PDE1C: variants seen among roughly 807,000 people sequenced by gnomAD.
PDE1C encodes the protein phosphodiesterase 1C, also known as dual specificity calcium/calmodulin-dependent 3',5'-cyclic nucleotide phosphodiesterase 1C.
In PDE1C, 62 loss-of-function variants were observed where a neutral mutation model predicts 93.1. That is an observed-to-expected ratio of 0.67 (90% CI 0.54 to 0.82). PDE1C has a LOEUF of 0.82. Ranked by LOEUF, PDE1C falls within the 40% of genes least tolerant of loss-of-function variation. The pLI, the probability that PDE1C is intolerant of heterozygous loss-of-function variation, is 0.00. For missense variants in PDE1C, 742 were observed against 884.6 expected, an observed-to-expected ratio of 0.84 and a Z score of 2.04; for synonymous variants, 325 against 310.1, an observed-to-expected ratio of 1.05 and a Z score of -0.50.
the PDE1C span, among the ~76,000 whole-genome samples, chr7:31,667,229 T>G: frequency 6.6e-6 from 1 of 152,126 alleles, no homozygotes. Context: ...TGTGATTGAC[T>G]AGGTTCAGGC....
chr7:31,721,475 T>C, the PDE1C span, among the ~76,000 whole-genome samples: 4 of 152,216 alleles, frequency 2.6e-5, no homozygotes, highest in African/African-American at 9.6e-5. Context: ...ATGTGGGTAC[T>C]GGCTACTGCA....
intron 2 of PDE1C, among the ~76,000 whole-genome samples, chr7:32,048,777 T>TAAAAAAAAA (rs796357252): frequency 6.6e-6 from 1 of 152,148 alleles, no homozygotes; most frequent in African/African-American, 2.4e-5. Context: ...CTACTTCATA[T>TAAAAAAAAA]AAAAAATGTA....
intron 2 of PDE1C, among the ~76,000 whole-genome samples, chr7:31,999,588 T>G (rs943042378): frequency 7.2e-5 from 11 of 152,168 alleles, no homozygotes; most frequent in Admixed American, 5.2e-4. Flanking sequence ...GATAAATTAT[T>G]AAATCTGTTG....
intron 1 of PDE1C, among the ~76,000 whole-genome samples, chr7:32,057,951 A>G (rs1254314339): frequency 1.3e-5 from 2 of 152,222 alleles, no homozygotes; most frequent in Admixed American, 6.5e-5. Flanking sequence ...TCACTTTTTT[A>G]AAGTGAGTAT....
intron 2 of PDE1C, among the ~76,000 whole-genome samples, chr7:31,939,735 A>G (rs948097008): frequency 6.6e-6 from 1 of 152,230 alleles, no homozygotes; most frequent in African/African-American, 2.4e-5. Flanking sequence ...CCAATGAATT[A>G]TGATAGAAAC....
At chr7:31,795,165 A>G (rs1311960869) in intron 16 of PDE1C, among the ~76,000 whole-genome samples, 1 of 151,914 alleles carries the variant, frequency 6.6e-6, no homozygotes, top group African/African-American at 2.4e-5. Flanking sequence ...TTAGCATGTG[A>G]GCGTCTAGAA....
At chr7:32,381,143 C>T (rs543745073) in intron 1 of PDE1C, among the ~76,000 whole-genome samples, 1 of 151,804 alleles carries the variant, frequency 6.6e-6, no homozygotes, top group East Asian at 2.0e-4. Flanking sequence ...TTCTTTCATT[C>T]TTACCCCACA....
At chr7:31,702,514 G>C in the PDE1C span, among the ~76,000 whole-genome samples, 1 of 152,130 alleles carries the variant, frequency 6.6e-6, no homozygotes, top group Non-Finnish European at 1.5e-5. Flanking sequence ...CAGCCAGCTC[G>C]AAGCCTCTGC....
rs114689105 is a variant in PDE1C, at chr7:32,167,197, C to T, written c.308+2588G>A. 6.3e-3 allele frequency among the ~76,000 whole-genome samples: 955 copies of T among 152,280 alleles called. 8 individuals carry two copies. The highest frequency in any genetic ancestry group is 0.022 in the African/African-American group (925 of 41,548). ...AGCTTTAGAGCAGACTGTCCCTTTGCTCTGAAAAGAACTACTTAAATGAAA... is the reference window on the plus strand; with the variant it reads ...AGCTTTAGAGCAGACTGTCCCTTTGTTCTGAAAAGAACTACTTAAATGAAA... On this transcript the variant is annotated intron_variant, in intron 3 of 18. Coordinates refer to the PDE1C transcript ENST00000396193.
chr7:32,026,878 C>T (rs1354119581), intron 2 of PDE1C, among the ~76,000 whole-genome samples: 1 of 151,896 alleles, frequency 6.6e-6, no homozygotes, highest in African/African-American at 2.4e-5. Context: ...ATAGAGAAAA[C>T]ATGAATACAT....
chr7:31,707,941 G>A, the PDE1C span: 1 of 152,142 alleles, frequency 6.6e-6, no homozygotes, highest in Admixed American at 6.5e-5. Context: ...GCTTAGCAAT[G>A]TATCTTCAAA....
At chr7:31,942,501 G>A (rs1009288336) in intron 2 of PDE1C, among the ~76,000 whole-genome samples, 1 of 152,098 alleles carries the variant, frequency 6.6e-6, no homozygotes, top group Non-Finnish European at 1.5e-5. Context: ...GAGATGACAT[G>A]AATTTAAACT....
At chr7:32,174,511 C>A (rs1186796739) in intron 2 of PDE1C, among the ~76,000 whole-genome samples, 2 of 151,888 alleles carry the variant, frequency 1.3e-5, no homozygotes, top group Non-Finnish European at 2.9e-5. Context: ...GCTCTTCAGC[C>A]GGTGGAAAGG....
chr7:31,888,484 A>G (rs1208433043), intron 2 of PDE1C, among the ~76,000 whole-genome samples: 1 of 152,094 alleles, frequency 6.6e-6, no homozygotes, highest in African/African-American at 2.4e-5. Flanking sequence ...AGACTGATCA[A>G]GAAAAAAGAG....
intron 1 of PDE1C, among the ~76,000 whole-genome samples, chr7:32,312,223 GA>G (rs1408187164): frequency 2.0e-5 from 3 of 152,154 alleles, no homozygotes; most frequent in Non-Finnish European, 4.4e-5. Flanking sequence ...TCTTCAACAA[GA>G]ACTACAAACC....
At chr7:32,282,485 A>AAATAGATAGATAGATAGATAGATAG (rs1554300215) in intron 1 of PDE1C, among the ~76,000 whole-genome samples, 9 of 143,854 alleles carry the variant, frequency 6.3e-5, no homozygotes, top group African/African-American at 2.1e-4. Flanking sequence ...TCAAAAAAAA[A>AAATAGATAGATAGATAGATAGATAG]ATAGATAGAT....
intron 2 of PDE1C, among the ~76,000 whole-genome samples, chr7:32,188,070 A>G (rs984395131): frequency 2.5e-4 from 38 of 152,348 alleles, no homozygotes; most frequent in African/African-American, 9.1e-4. Flanking sequence ...TTTTCATTAA[A>G]TTCAACATAT....
At chr7:31,648,447 A>G in the PDE1C span, among the ~76,000 whole-genome samples, 1 of 152,078 alleles carries the variant, frequency 6.6e-6, no homozygotes, top group African/African-American at 2.4e-5. Context: ...TACTTATTCT[A>G]GGGCTAAAAT....
chr7:31,884,406 C>T (rs1316206561), intron 2 of PDE1C, among the ~76,000 whole-genome samples: 1 of 151,888 alleles, frequency 6.6e-6, no homozygotes, highest in Non-Finnish European at 1.5e-5. Context: ...CAAATCAACA[C>T]AATAAGAAGT....
Sources: gnomAD v4.1 joint callset for allele counts (sites outside exome capture counted in the v4.1 genomes callset) on GRCh38, gnomAD v4.1.1 for gene constraint, MANE v1.5 for transcripts, NCBI Gene and HGNC (gene_info 2026-07-23, HGNC 2026-07-21) for gene names.